The following SHB variants were observed in gnomAD, a reference collection of about 807,000 sequenced individuals.
SHB encodes the protein SH2 domain containing adaptor protein B, also known as SH2 domain-containing adapter protein B.
In SHB, 20 loss-of-function variants were observed where a neutral mutation model predicts 52.3. The ratio of observed to expected loss-of-function variants is 0.38; its 90% CI spans 0.27 to 0.56. The LOEUF (loss-of-function observed/expected upper bound fraction) is 0.56. SHB is among the 20% of genes least tolerant of loss of function. SHB has a pLI of 0.71. For synonymous variants in SHB, 397 were observed against 316.5 expected (o/e 1.25, Z -2.70); for missense variants, 825 against 723.3 (o/e 1.14, Z -1.61).
intron 2 of SHB, among the ~76,000 whole-genome samples, chr9:37,990,113 G>GT (rs1479689895): frequency 1.3e-5 from 2 of 152,196 alleles, no homozygotes; most frequent in African/African-American, 4.8e-5. Context: ...CCTTGATTGA[G>GT]TAGAGATGGC....
chr9:37,929,332 G>A (rs1338567567), intron 5 of SHB, among the ~76,000 whole-genome samples: 1 of 152,270 alleles, frequency 6.6e-6, no homozygotes, highest in African/African-American at 2.4e-5. Context: ...GGATAAGCAT[G>A]ACGTGAAACA....
At chr9:37,931,231 G>C (rs1002182470) in intron 5 of SHB, among the ~76,000 whole-genome samples, 1 of 152,032 alleles carries the variant, frequency 6.6e-6, no homozygotes, top group African/African-American at 2.4e-5. Context: ...CATATCAAAA[G>C]CTCAAAATAA....
chr9:37,947,120 A>G (rs1000280664), intron 5 of SHB, among the ~76,000 whole-genome samples: 2 of 152,156 alleles, frequency 1.3e-5, no homozygotes, highest in Non-Finnish European at 2.9e-5. Context: ...CGGCTGCCAT[A>G]ACTGACCCGA....
chr9:37,980,597 G>C (rs142545920), intron 2 of SHB, among the ~76,000 whole-genome samples: 2 of 152,182 alleles, frequency 1.3e-5, no homozygotes, highest in South Asian at 4.2e-4. Flanking sequence ...CCCCTTTCAT[G>C]AATCACAAAT....
At chr9:37,984,484 G>A (rs1042034900) in intron 2 of SHB, among the ~76,000 whole-genome samples, 3 of 152,212 alleles carry the variant, frequency 2.0e-5, no homozygotes, top group African/African-American at 7.2e-5. Flanking sequence ...GGAAACTGAG[G>A]TCAGGGGAAG....
chr9:38,047,448 C>G (rs1024754567), intron 1 of SHB, among the ~76,000 whole-genome samples: 3 of 152,234 alleles, frequency 2.0e-5, no homozygotes, highest in African/African-American at 7.2e-5. Context: ...GACTGCAAGG[C>G]TTCACTGAGC....
chr9:37,919,551 T>C lies in SHB; in HGVS notation c.*270A>G. 1 of 247,482 alleles carries C rather than the reference T, an allele frequency of 4.0e-6. No individual in the cohort carries two copies. The highest frequency in any genetic ancestry group is 7.9e-6 in the Non-Finnish European group (1 of 126,222). 15.3% of individuals were successfully genotyped at this position (247,482 alleles called of 1,614,324 possible). A position where few individuals can be genotyped will look rare whatever the true frequency, so the allele number is the denominator to read the frequency against. On this transcript the variant is annotated 3_prime_UTR_variant, in exon 6 of 6. Transcript: ENST00000377707. ...TTTGTTCATCCTGGAAGGCATCTCT[T>C]TGGATTTGCAAATATTTTAATTCAC...
intron 4 of SHB, among the ~76,000 whole-genome samples, chr9:37,951,369 A>C (rs1832564661): frequency 6.6e-6 from 1 of 152,232 alleles, no homozygotes; most frequent in Non-Finnish European, 1.5e-5. Context: ...ACCACAAGTA[A>C]AACATTTCCT....
chr9:37,955,926 G>C lies in SHB; in HGVS notation c.1183C>G (p.Leu395Val). 3 of 1,613,754 alleles carry C rather than the reference G, an allele frequency of 1.9e-6. No individual in the cohort carries two copies. The highest frequency in any genetic ancestry group is 2.2e-5 in the South Asian group (2 of 90,838). The stretch of plus-strand genomic sequence containing the variant: ...ACGGCAGGATCCACCCTTTCTCCTA[G>C]GATCCCGCAGAACTCAGGGCTCCCA... ...KHGSPEFCGI[L>V]GERVDPAVPL... Residue 395 changes from leucine (L) to valine (V), a missense_variant, in exon 4 of 6, where the codon CTA becomes GTA. By Grantham distance (32) the Leu-to-Val change is conservative. Transcript: ENST00000377707.
chr9:38,068,095 C>T lies in SHB; in HGVS notation c.551G>A (p.Arg184His), dbSNP rs1367892780. The T allele has an allele frequency of 1.3e-6, 2 of 1,495,302 alleles. No homozygotes were observed. The highest frequency in any genetic ancestry group is 4.8e-5 in the Admixed American group (2 of 41,278). The allele number at this position is 1,495,302 out of a possible 1,614,324, so 92.6% of individuals were successfully genotyped here. A position where few individuals can be genotyped will look rare whatever the true frequency, so the allele number is the denominator to read the frequency against. ...AEVRYISPKH[R>H]LIKVESAAGG... The stretch of plus-strand genomic sequence containing the variant: ...CGCGGCGCTCTCCACTTTGATGAGG[C>T]GGTGCTTGGGGGAGATGTAGCGCAC... Residue 184 changes from arginine to histidine, a missense_variant, in exon 1 of 6, where the codon CGC becomes CAC. By Grantham distance (29) the Arg-to-His change is conservative (BLOSUM62 0). Transcript: ENST00000377707.
chr9:37,936,223 A>C (rs1270164648), intron 5 of SHB, among the ~76,000 whole-genome samples: 1 of 152,138 alleles, frequency 6.6e-6, no homozygotes, highest in Non-Finnish European at 1.5e-5. Context: ...CTCAAAAAAC[A>C]AAACAAAACC....
At chr9:37,922,495 G>T (rs888545453) in intron 5 of SHB, among the ~76,000 whole-genome samples, 1 of 152,146 alleles carries the variant, frequency 6.6e-6, no homozygotes, top group East Asian at 1.9e-4. Context: ...GAGTCTAGAC[G>T]TCCCCGGGAA....
chr9:38,023,137 T>C (rs964129771), intron 1 of SHB, among the ~76,000 whole-genome samples: 1 of 152,212 alleles, frequency 6.6e-6, no homozygotes, highest in Non-Finnish European at 1.5e-5. Context: ...GCAGCTGGGC[T>C]GCAGCAGCTG....
chr9:38,046,696 A>C (rs1341312871), intron 1 of SHB, among the ~76,000 whole-genome samples: 1 of 152,238 alleles, frequency 6.6e-6, no homozygotes, highest in African/African-American at 2.4e-5. Context: ...AAGGAATTGA[A>C]ATCGCAATGA....
chr9:38,048,172 A>G (rs879115720), intron 1 of SHB, among the ~76,000 whole-genome samples: 2 of 152,192 alleles, frequency 1.3e-5, no homozygotes, highest in Non-Finnish European at 2.9e-5. Flanking sequence ...TCCAATAGTA[A>G]TTAAATGATT....
chr9:38,023,144 G>A (rs1411921550), intron 1 of SHB, among the ~76,000 whole-genome samples: 1 of 152,242 alleles, frequency 6.6e-6, no homozygotes, highest in Non-Finnish European at 1.5e-5. Context: ...GGCTGCAGCA[G>A]CTGCCCGAGG....
chr9:37,941,604 G>C (rs1159817628), intron 5 of SHB, among the ~76,000 whole-genome samples: 1 of 152,220 alleles, frequency 6.6e-6, no homozygotes, highest in Non-Finnish European at 1.5e-5. Context: ...CTGTACCTGA[G>C]CTGCACACAC....
intron 2 of SHB, among the ~76,000 whole-genome samples, chr9:37,981,051 C>T (rs1820717967): frequency 6.6e-6 from 1 of 152,172 alleles, no homozygotes; most frequent in Admixed American, 6.5e-5. Flanking sequence ...TTCAGAATGG[C>T]AAATGAGCAC....
chr9:37,970,017 G>A (rs1024439630), intron 3 of SHB, among the ~76,000 whole-genome samples: 2 of 152,230 alleles, frequency 1.3e-5, no homozygotes, highest in African/African-American at 2.4e-5. Context: ...GCTCTGGAAG[G>A]CTGGTGTCTC....
Sources: gnomAD v4.1 joint callset for allele counts (sites outside exome capture counted in the v4.1 genomes callset) on GRCh38, gnomAD v4.1.1 for gene constraint, MANE v1.5 for transcripts, NCBI Gene and HGNC (gene_info 2026-07-23, HGNC 2026-07-21) for gene names.